The following MPHOSPH9 variants were observed in gnomAD, a reference collection of about 807,000 sequenced individuals.
MPHOSPH9 encodes M-phase phosphoprotein 9.
Under a neutral mutation model 145.5 loss-of-function variants are expected in MPHOSPH9, and 88 were observed. That is an observed-to-expected ratio of 0.60 (90% CI 0.51 to 0.72). The LOEUF (loss-of-function observed/expected upper bound fraction) is 0.72. Ranked by LOEUF, MPHOSPH9 falls within the 30% of genes least tolerant of loss-of-function variation. The probability of loss-of-function intolerance (pLI) is 0.00; values close to 1 mark genes in which losing one functional copy is unlikely to be tolerated. For synonymous variants in MPHOSPH9, 435 were observed against 486.2 expected (o/e 0.89, Z 1.39); for missense variants, 1,238 against 1,386.6 (o/e 0.89, Z 1.70).
Position 123,171,865 on chromosome 12 carries a change from C to T in MPHOSPH9, c.2456+4823G>A, listed in dbSNP as rs917759096. Among the ~76,000 whole-genome samples, 8 of 152,242 alleles carry T rather than the reference C, an allele frequency of 5.3e-5. No homozygotes were observed. In the South Asian group the frequency reaches 1.5e-3, roughly 28 times the overall value. ...GCTTTATAAATCTTGGTTATATATTCTTTAAATTAAGAGTAGAACACTATA... is the reference window on the plus strand; with the variant it reads ...GCTTTATAAATCTTGGTTATATATTTTTTAAATTAAGAGTAGAACACTATA... On this transcript the variant is annotated intron_variant, in intron 16 of 23. Transcript: ENST00000606320.
intron 1 of MPHOSPH9, chr12:123,232,851 G>A (rs1387743814): frequency 1.3e-5 from 2 of 152,070 alleles, no homozygotes; most frequent in Non-Finnish European, 2.9e-5. Flanking sequence ...CTGCGATTGG[G>A]CCGCGCGAGT....
chr12:123,186,384 A>T (rs1347855327), intron 13 of MPHOSPH9, among the ~76,000 whole-genome samples: 1 of 152,204 alleles, frequency 6.6e-6, no homozygotes, highest in East Asian at 1.9e-4. Context: ...CTATGAAGAC[A>T]AAGCAATGCT....
chr12:123,199,579 GACCATCCTGGCTAA>G (rs2046126876), intron 11 of MPHOSPH9, among the ~76,000 whole-genome samples: 1 of 152,004 alleles, frequency 6.6e-6, no homozygotes, highest in African/African-American at 2.4e-5. Flanking sequence ...AGGAGATCGA[GACCATCCTGGCTAA>G]ACCATCCTGG....
intron 7 of MPHOSPH9, among the ~76,000 whole-genome samples, chr12:123,213,634 C>T (rs1382378910): frequency 6.6e-6 from 1 of 152,120 alleles, no homozygotes; most frequent in Non-Finnish European, 1.5e-5. Context: ...CCACTGTGCC[C>T]AGCCCATTTT....
intron 5 of MPHOSPH9, among the ~76,000 whole-genome samples, chr12:123,219,693 T>C (rs941959159): frequency 6.6e-6 from 1 of 151,988 alleles, no homozygotes; most frequent in Non-Finnish European, 1.5e-5. Context: ...TTGGCATAAA[T>C]CAATCATTAT....
In MPHOSPH9 at chr12:123,227,723, T is replaced by C. The variant is rs1013884001; in HGVS notation, c.105-107A>G. 3.2e-6 allele frequency: 3 copies of C among 924,650 alleles called. No homozygotes were observed. The Admixed American group carries it at 1.0e-4, about 32-fold the overall frequency. The allele number at this position is 924,650 out of a possible 1,614,324, so 57.3% of individuals were successfully genotyped here. ...GCAGTACAAAACCACTGACATTTAA[T>C]CCTTCTAATGGCACCTCATTTGTTC... On this transcript the variant is annotated intron_variant, in intron 2 of 23. Transcript: ENST00000606320.
chr12:123,203,065 G>C lies in MPHOSPH9; in HGVS notation c.1340C>G (p.Thr447Arg). The change falls in exon 10 of 24, where the codon ACG (threonine) becomes AGG (arginine). Residue 447 changes from threonine (T) to arginine (R), a missense_variant. By Grantham distance (71) the Thr-to-Arg change is moderately conservative. This residue lies in a region of MPHOSPH9 where 837 missense variants were observed against 897.5 expected (regional missense o/e 0.93). Coordinates refer to ENST00000606320, the MANE Select transcript of MPHOSPH9 (RefSeq NM_022782.4). ...HPPEVLTLDP[T>R]LHMKPKQQIS... ...CTGCTGCTTTGGCTTCATGTGTAAC[G>C]TAGGATCTAGAGTCAGGACCTGGAA... 2.5e-6 allele frequency: 4 copies of C among 1,613,454 alleles called. No individual in the cohort carries two copies. Among genetic ancestry groups the C allele is most frequent in the Non-Finnish European group, 3.4e-6 (4 of 1,179,698 alleles).
intron 16 of MPHOSPH9, among the ~76,000 whole-genome samples, chr12:123,175,821 T>TAAA (rs75867409): frequency 1.5e-5 from 2 of 131,762 alleles, no homozygotes; most frequent in Admixed American, 7.6e-5. Context: ...ATCTTTTCTT[T>TAAA]AAAAAAAAAA....
In MPHOSPH9 at chr12:123,230,250, C is replaced by T. The variant is rs1168512696; in HGVS notation, c.104+11G>A. 3 of 1,383,690 alleles carry T rather than the reference C, an allele frequency of 2.2e-6. No homozygotes were observed. The African/African-American group carries it at 4.4e-5, about 20-fold the overall frequency. 85.7% of individuals were successfully genotyped at this position (1,383,690 alleles called of 1,614,324 possible). The stretch of plus-strand genomic sequence containing the variant: ...CTGATTTGGTACATTTTTTTTAAAT[C>T]CCATTCTTACCTATCAGTATTTAAG... On this transcript the variant is annotated intron_variant, in intron 2 of 23. Transcript: ENST00000606320.
chr12:123,177,209 A>G (rs1002224207), intron 15 of MPHOSPH9, among the ~76,000 whole-genome samples: 1 of 151,770 alleles, frequency 6.6e-6, no homozygotes. Context: ...GTCCATAAAC[A>G]TTTTTCATAG....
intron 23 of MPHOSPH9, among the ~76,000 whole-genome samples, chr12:123,157,168 G>A (rs1022760792): frequency 6.6e-6 from 1 of 151,956 alleles, no homozygotes; most frequent in Non-Finnish European, 1.5e-5. Context: ...TCTAGTAATA[G>A]CAATACAACC....
In MPHOSPH9 at chr12:123,210,171, C is replaced by A; in HGVS notation, c.1088-9G>T. The A allele has an allele frequency of 6.6e-7, 1 of 1,512,092 alleles. No homozygotes were observed. The highest frequency in any genetic ancestry group is 9.0e-7 in the Non-Finnish European group (1 of 1,110,798). 93.7% of individuals were successfully genotyped at this position (1,512,092 alleles called of 1,614,324 possible). A position where few individuals can be genotyped will look rare whatever the true frequency, so the allele number is the denominator to read the frequency against. ...TTTCCAGTAAGTCAATCCTGATGTG[C>A]ACAAACACACAGAATAGAAAAGAGT... On this transcript the variant is annotated splice_polypyrimidine_tract_variant and intron_variant, in intron 7 of 23. Coordinates refer to ENST00000606320, the MANE Select transcript of MPHOSPH9 (RefSeq NM_022782.4).
chr12:123,167,095 G>T (rs1015019976), intron 16 of MPHOSPH9, among the ~76,000 whole-genome samples: 1 of 152,104 alleles, frequency 6.6e-6, no homozygotes, highest in African/African-American at 2.4e-5. Flanking sequence ...TACTGTAGCT[G>T]AGGGTAAAGT....
At chr12:123,214,103 A>C (rs1354032890) in intron 7 of MPHOSPH9, among the ~76,000 whole-genome samples, 1 of 152,174 alleles carries the variant, frequency 6.6e-6, no homozygotes, top group Non-Finnish European at 1.5e-5. Flanking sequence ...CTCACCATGG[A>C]GTGTAAAGGA....
chr12:123,189,001 A>AGT (rs2045566389), intron 13 of MPHOSPH9, among the ~76,000 whole-genome samples: 1 of 152,034 alleles, frequency 6.6e-6, no homozygotes, highest in Non-Finnish European at 1.5e-5. Flanking sequence ...ATGCCACTAC[A>AGT]CTCCAGCTTG....
intron 13 of MPHOSPH9, among the ~76,000 whole-genome samples, chr12:123,189,269 G>A (rs1336137943): frequency 3.3e-5 from 5 of 152,126 alleles, no homozygotes; most frequent in Non-Finnish European, 7.3e-5. Flanking sequence ...CAGTCCTTAA[G>A]TTTTGAGCTG....
At chr12:123,162,989 T>G in intron 20 of MPHOSPH9, 25 bp downstream of exon 20, 1 of 1,528,852 alleles carries the variant, frequency 6.5e-7, no homozygotes, top group Non-Finnish European at 8.7e-7. Context: ...TAGTAAACTT[T>G]ATTCTACAAT....
At chr12:123,171,804 C>A (rs1463628530) in intron 16 of MPHOSPH9, among the ~76,000 whole-genome samples, 2 of 152,074 alleles carry the variant, frequency 1.3e-5, no homozygotes, top group African/African-American at 4.8e-5. Flanking sequence ...CTCAAGCACA[C>A]ATAGACATAC....
Position 123,213,182 on chromosome 12 carries a change from G to A in MPHOSPH9, c.1087+1562C>T, listed in dbSNP as rs183089632. ...CTGACCATTCTGTTTTTCACTCTCA[G>A]TGTTCAATAAAGTATATGAAATAGT... On this transcript the variant is annotated intron_variant, in intron 7 of 23. Transcript: ENST00000606320. 5.9e-5 allele frequency among the ~76,000 whole-genome samples: 9 copies of A among 151,930 alleles called. No homozygotes were observed. The East Asian group carries it at 1.4e-3, about 23-fold the overall frequency.
Sources: gnomAD v4.1 joint callset for allele counts (sites outside exome capture counted in the v4.1 genomes callset) on GRCh38, gnomAD v4.1.1 for gene constraint, gnomAD v4.1.1 regional missense constraint, MANE v1.5 for transcripts, NCBI Gene and HGNC (gene_info 2026-07-23, HGNC 2026-07-21) for gene names.